The following MAP3K3 variants were observed in gnomAD, a reference collection of about 807,000 sequenced individuals.
The protein encoded by MAP3K3 is mitogen-activated protein kinase kinase kinase 3.
Under a neutral mutation model 80.9 loss-of-function variants are expected in MAP3K3, and 12 were observed. That is an observed-to-expected ratio of 0.15 (90% CI 0.10 to 0.24). The LOEUF (loss-of-function observed/expected upper bound fraction) is 0.24, where lower values mean the gene tolerates loss of function less well. Among genes scored for constraint, MAP3K3 ranks in the 10% least tolerant of loss-of-function variants. The pLI is 1.00. For missense variants in MAP3K3, 596 were observed against 834.7 expected (o/e 0.71, Z 3.52); for synonymous variants, 272 against 307.1 (o/e 0.89, Z 1.19).
intron 5 of MAP3K3, among the ~76,000 whole-genome samples, chr17:63,662,650 A>ATTTTTTTTTTTTTTTTTTTTTTTTT (rs1192833142): frequency 1.2e-5 from 1 of 82,564 alleles, no homozygotes; most frequent in Non-Finnish European, 2.2e-5. Flanking sequence ...AGAAGAGGGA[A>ATTTTTTTTTTTTTTTTTTTTTTTTT]TTTTTTTTTT....
rs1390549871 is a variant in MAP3K3 at position 63,689,639 on chromosome 17, G to A, written c.967G>A (p.Gly323Ser). The change falls in exon 11 of 16, where the codon GGT becomes AGT. Residue 323 changes from glycine (G) to serine (S), a missense_variant. By Grantham distance (56) the Gly-to-Ser change is moderately conservative. Coordinates refer to ENST00000361733, the MANE Select transcript of MAP3K3 (RefSeq NM_002401.5). The surrounding 1 kb of genome is among the most constrained non-coding windows in gnomAD (Gnocchi z 4.3). ...CCTGAGCACAAATGGCGAGAACATG[G>A]GTCTGGCTGTGCAATACCTGGACCC... ...RSLSTNGENM[G>S]LAVQYLDPRG... 7 of 1,614,026 alleles carry A rather than the reference G, an allele frequency of 4.3e-6. No individual in the cohort carries two copies. Among genetic ancestry groups the A allele is most frequent in the Non-Finnish European group, 5.9e-6 (7 of 1,179,980 alleles).
In MAP3K3 at chr17:63,693,815, G is replaced by C. The variant is rs745642617; in HGVS notation, c.*38G>C. Reference sequence around the variant, plus strand: ...ACACAGCTGCCGGTCGCCCTTTGCTGCATGGCAGGGGGCTGCTGCTGGGCT... The same window carrying C: ...ACACAGCTGCCGGTCGCCCTTTGCTCCATGGCAGGGGGCTGCTGCTGGGCT... On this transcript the variant is annotated 3_prime_UTR_variant, in exon 16 of 16. Transcript: ENST00000361733. The surrounding 1 kb of genome is among the most constrained non-coding windows in gnomAD (Gnocchi z 4.2). The C allele has an allele frequency of 6.5e-7, 1 of 1,536,552 alleles. No homozygotes were observed. Among genetic ancestry groups the C allele is most frequent in the Non-Finnish European group, 8.9e-7 (1 of 1,123,318 alleles).
chr17:63,662,261 A>C (rs1039413526), intron 5 of MAP3K3, among the ~76,000 whole-genome samples: 2 of 150,602 alleles, frequency 1.3e-5, no homozygotes, highest in Non-Finnish European at 3.0e-5. Flanking sequence ...AAAAAAAAAA[A>C]ACGAAAATTA....
At position 63,681,828 on chromosome 17, in the gene MAP3K3, A is replaced by G; in HGVS notation, c.565A>G (p.Ile189Val). 7 of 1,549,134 alleles carry G rather than the reference A, an allele frequency of 4.5e-6. No individual in the cohort carries two copies. The highest frequency in any genetic ancestry group is 6.1e-6 in the Non-Finnish European group (7 of 1,143,656). The change falls in exon 7 of 16, where the codon ATT becomes GTT. Residue 189 changes from isoleucine (I) to valine (V), a missense_variant. By Grantham distance (29) the Ile-to-Val change is conservative. Coordinates refer to ENST00000361733, the MANE Select transcript of MAP3K3 (RefSeq NM_002401.5). ...PGYVPERQQH[I>V]ARQGSYTSIN... Reference sequence around the variant, plus strand: ...CTATGTTCCTGAGCGGCAGCAGCACATTGCCCGGCAGGGGTCCTACACCAG... The same window carrying G: ...CTATGTTCCTGAGCGGCAGCAGCACGTTGCCCGGCAGGGGTCCTACACCAG...
chr17:63,642,121 G>A (rs2034455630), intron 2 of MAP3K3, among the ~76,000 whole-genome samples: 1 of 152,140 alleles, frequency 6.6e-6, no homozygotes, highest in South Asian at 2.1e-4. Context: ...CATATCATGT[G>A]GTTCATGGAA....
rs1451517692 is a variant in MAP3K3, at chr17:63,695,726, G to C, written c.*1949G>C. 2 of 152,588 alleles carry C rather than the reference G, an allele frequency of 1.3e-5. No individual in the cohort carries two copies. The highest frequency in any genetic ancestry group is 4.8e-5 in the African/African-American group (2 of 41,438). 9.5% of individuals were successfully genotyped at this position (152,588 alleles called of 1,614,324 possible). On this transcript the variant is annotated 3_prime_UTR_variant, in exon 16 of 16. Transcript: ENST00000361733. The surrounding 1 kb of genome is among the most constrained non-coding windows in gnomAD (Gnocchi z 4.1). ...CTGGCTGACTCAACTGTGCGTCCCA[G>C]GTTCAGGGTCTTACAGAGCTCCACC...
chr17:63,672,544 G>GAA (rs1407951735), intron 6 of MAP3K3, among the ~76,000 whole-genome samples: 1 of 152,100 alleles, frequency 6.6e-6, no homozygotes, highest in Admixed American at 6.5e-5. Context: ...TCAGAGGGGA[G>GAA]AAAATCAGGG....
At chr17:63,670,153 G>A (rs193131254) in intron 6 of MAP3K3, among the ~76,000 whole-genome samples, 74 of 151,968 alleles carry the variant, frequency 4.9e-4, no homozygotes, top group African/African-American at 1.8e-3. Flanking sequence ...CAGAAATATG[G>A]GAAGCAAAAA....
At chr17:63,648,186 G>A (rs2034577517) in intron 3 of MAP3K3, among the ~76,000 whole-genome samples, 1 of 152,222 alleles carries the variant, frequency 6.6e-6, no homozygotes, top group Non-Finnish European at 1.5e-5. Context: ...ACCCAATCTG[G>A]AAGTCCTGGC....
At chr17:63,687,704 C>G (rs963255423) in intron 8 of MAP3K3, among the ~76,000 whole-genome samples, 13 of 144,934 alleles carry the variant, frequency 9.0e-5, no homozygotes, top group African/African-American at 3.3e-4. Context: ...AAAAAAAAGT[C>G]TGGGGCTGGG....
intron 3 of MAP3K3, among the ~76,000 whole-genome samples, chr17:63,648,054 C>T (rs892094311): frequency 2.0e-5 from 3 of 152,188 alleles, no homozygotes; most frequent in Non-Finnish European, 4.4e-5. Context: ...ATTAAGATCT[C>T]CTTCCCTTTG....
At chr17:63,654,380 A>G (rs1483478490) in intron 4 of MAP3K3, among the ~76,000 whole-genome samples, 3 of 147,736 alleles carry the variant, frequency 2.0e-5, no homozygotes, top group Non-Finnish European at 3.0e-5. Context: ...TCATCTGTGC[A>G]TGTTGTCAGT....
chr17:63,682,178 C>T (rs2035352329), intron 7 of MAP3K3, among the ~76,000 whole-genome samples: 1 of 152,176 alleles, frequency 6.6e-6, no homozygotes, highest in South Asian at 2.1e-4. Flanking sequence ...CTCATTGTTC[C>T]TACAGGCAGG....
Position 63,632,794 on chromosome 17 carries a change from A to G in MAP3K3, c.118A>G (p.Asn40Asp). ...GAAGAACAAAGACACAGGTCACTCA[A>G]ATAGGCAGGTGTGTGTGACCCTGGC... ...TMKNKDTGHS[N>D]RQSDVRIKFE... The change falls in exon 2 of 16, where the codon AAT becomes GAT. Residue 40 changes from asparagine (N) to aspartate (D), a missense_variant. This residue lies in a region of MAP3K3 where 232 missense variants were observed against 245.8 expected (regional missense o/e 0.94). Coordinates refer to ENST00000361733, the MANE Select transcript of MAP3K3 (RefSeq NM_002401.5). The G allele has an allele frequency of 2.5e-6, 4 of 1,614,016 alleles. No homozygotes were observed. Among genetic ancestry groups the G allele is most frequent in the South Asian group, 1.1e-5 (1 of 91,080 alleles).
intron 5 of MAP3K3, among the ~76,000 whole-genome samples, chr17:63,664,120 G>C: frequency 6.6e-6 from 1 of 151,538 alleles, no homozygotes; most frequent in East Asian, 1.9e-4. Flanking sequence ...GGTAGCGGGC[G>C]CCTGTAGTCC....
chr17:63,685,492 C>T, intron 7 of MAP3K3, 25 bp from the exon 8 acceptor site: 1 of 1,601,012 alleles, frequency 6.2e-7, no homozygotes, highest in Non-Finnish European at 8.6e-7. Context: ...GGGGGTGTGG[C>T]TTCATTGTTT....
At chr17:63,690,873 G>C (rs1454877945) in intron 12 of MAP3K3, 2 of 569,510 alleles carry the variant, frequency 3.5e-6, no homozygotes, top group African/African-American at 3.7e-5. Flanking sequence ...AGCACCCACG[G>C]CCCCTTCTCC....
chr17:63,688,727 TGGG>T, intron 9 of MAP3K3, 59 bp from the exon 10 acceptor site: 8 of 1,426,796 alleles, frequency 5.6e-6, no homozygotes, highest in Non-Finnish European at 6.9e-6. Flanking sequence ...CTTGGGGACT[TGGG>T]GGCTTAAGTG....
Position 63,692,328 on chromosome 17 carries a change from G to A in MAP3K3, c.1561G>A (p.Gly521Arg). ...ACGCCTGCAGACGATCTGTATGTCGGGGACGGGCATGCGCTCCGTCACTGG... is the reference window on the plus strand; with the variant it reads ...ACGCCTGCAGACGATCTGTATGTCGAGGACGGGCATGCGCTCCGTCACTGG... ...SKRLQTICMS[G>R]TGMRSVTGTP... The change falls in exon 15 of 16, where the codon GGG (glycine) becomes AGG (arginine). Residue 521 changes from glycine (G) to arginine (R), a missense_variant. By Grantham distance (125) the Gly-to-Arg change is moderately radical. Coordinates refer to ENST00000361733, the MANE Select transcript of MAP3K3 (RefSeq NM_002401.5). The surrounding 1 kb of genome is among the most constrained non-coding windows in gnomAD (Gnocchi z 4.5). 6.2e-7 allele frequency: 1 copy of A among 1,613,972 alleles called. No homozygotes were observed. Among genetic ancestry groups the A allele is most frequent in the South Asian group, 1.1e-5 (1 of 91,088 alleles).
Sources: allele counts gnomAD v4.1 joint callset (sites outside exome capture counted in the v4.1 genomes callset), GRCh38; gene constraint gnomAD v4.1.1; regional missense constraint gnomAD v4.1.1; non-coding constraint Gnocchi (gnomAD v3.1); transcripts MANE v1.5; gene names NCBI Gene and HGNC (gene_info 2026-07-23, HGNC 2026-07-21).